Variants in RFX6 observed in about 807,000 individuals in gnomAD.
RFX6 encodes DNA-binding protein RFX6.
A neutral mutation model predicts 110.8 loss-of-function variants in RFX6; 50 were observed. The ratio of observed to expected loss-of-function variants is 0.45; its 90% CI spans 0.36 to 0.57. RFX6 has a LOEUF of 0.57. Among genes scored for constraint, RFX6 ranks in the 20% least tolerant of loss-of-function variants. The pLI is 0.00. For missense variants in RFX6, 990 were observed against 1,127.0 expected (o/e 0.88, Z 1.74); for synonymous variants, 383 against 411.2 (o/e 0.93, Z 0.83).
chr6:116,931,235 T>A, intron 18 of RFX6, 96 bp from the exon 19 acceptor site: 1 of 911,724 alleles, frequency 1.1e-6, no homozygotes, highest in Non-Finnish European at 1.8e-6. Context: ...GTGTGCTAAG[T>A]GCAAAAATAA....
intron 9 of RFX6, among the ~76,000 whole-genome samples, chr6:116,916,565 T>G (rs1775470930): frequency 6.6e-6 from 1 of 152,098 alleles, no homozygotes; most frequent in African/African-American, 2.4e-5. Flanking sequence ...TGTGACACAC[T>G]TATTAATATG....
intron 4 of RFX6, among the ~76,000 whole-genome samples, chr6:116,883,994 C>T (rs1022089565): frequency 6.6e-6 from 1 of 152,148 alleles, no homozygotes; most frequent in African/African-American, 2.4e-5. Flanking sequence ...AGTCCAAGTT[C>T]ATTTTACTAT....
chr6:116,906,189 G>A (rs898381987), intron 6 of RFX6, among the ~76,000 whole-genome samples: 3 of 152,128 alleles, frequency 2.0e-5, no homozygotes, highest in African/African-American at 7.2e-5. Context: ...ATATATGTGA[G>A]GATTTGTTAC....
At chr6:116,924,826 C>CTT in intron 15 of RFX6, 35 bp downstream of exon 15, 1 of 1,461,216 alleles carries the variant, frequency 6.8e-7, no homozygotes, top group Non-Finnish European at 9.6e-7. Flanking sequence ...TTGCATATTT[C>CTT]TTTGTTTTAA....
chr6:116,887,821 G>A (rs1407243568), intron 4 of RFX6, among the ~76,000 whole-genome samples: 4 of 152,086 alleles, frequency 2.6e-5, no homozygotes, highest in African/African-American at 9.7e-5. Context: ...CTAGGCCCTC[G>A]GGTACAATGA....
intron 6 of RFX6, among the ~76,000 whole-genome samples, chr6:116,898,260 G>A (rs535523671): frequency 6.6e-6 from 1 of 152,298 alleles, no homozygotes; most frequent in South Asian, 2.1e-4. Context: ...AAATGAGTGG[G>A]AAGTAGCATT....
chr6:116,924,813 GT>G (rs1216726288), intron 15 of RFX6, 22 bp downstream of exon 15: 10 of 1,513,722 alleles, frequency 6.6e-6, no homozygotes, highest in East Asian at 2.3e-5. Flanking sequence ...TAACTGTTTT[GT>G]TTTGCATATT....
intron 18 of RFX6, among the ~76,000 whole-genome samples, chr6:116,929,458 T>C (rs758340392): frequency 1.3e-5 from 2 of 152,126 alleles, no homozygotes; most frequent in Non-Finnish European, 2.9e-5. Context: ...CTCATTCTTA[T>C]GTAAAATGTG....
chr6:116,930,106 C>T (rs1174333323), intron 18 of RFX6, among the ~76,000 whole-genome samples: 1 of 152,150 alleles, frequency 6.6e-6, no homozygotes, highest in Admixed American at 6.5e-5. Context: ...ATAGTGGAAG[C>T]TTTGACGAAA....
At chr6:116,906,932 A>C (rs1020307221) in intron 6 of RFX6, among the ~76,000 whole-genome samples, 1 of 151,080 alleles carries the variant, frequency 6.6e-6, no homozygotes, top group African/African-American at 2.4e-5. Context: ...ATGAAAGCAG[A>C]CTTGCTTTGT....
At chr6:116,877,760 C>T (rs1209953261) in intron 1 of RFX6, 36 bp from the exon 2 acceptor site, 10 of 1,520,178 alleles carry the variant, frequency 6.6e-6, no homozygotes, top group Non-Finnish European at 6.3e-6. Context: ...ATTTTATATT[C>T]TATTTTTCTT....
chr6:116,908,929 A>G (rs960377674), intron 6 of RFX6, among the ~76,000 whole-genome samples: 5 of 152,088 alleles, frequency 3.3e-5, no homozygotes, highest in African/African-American at 1.2e-4. Context: ...TGAAATTGAA[A>G]TATAATTTTT....
rs576110333 is a variant in RFX6 at position 116,919,494 on chromosome 6, G to C, written c.1182+198G>C. 3.9e-4 allele frequency among the ~76,000 whole-genome samples: 59 copies of C among 152,264 alleles called. No homozygotes were observed. In the East Asian group the frequency reaches 0.011, roughly 27 times the overall value. On this transcript the variant is annotated intron_variant, in intron 11 of 18. Coordinates refer to ENST00000332958, the MANE Select transcript of RFX6 (RefSeq NM_173560.4). ...AGCTGGTGAAATTTGAATTATGTCTGTAGTTAATAGTATTGTACCAATGTT... is the reference window on the plus strand; with the variant it reads ...AGCTGGTGAAATTTGAATTATGTCTCTAGTTAATAGTATTGTACCAATGTT...
intron 6 of RFX6, among the ~76,000 whole-genome samples, chr6:116,899,172 G>GA (rs540361496): frequency 1.2e-4 from 18 of 148,370 alleles, no homozygotes; most frequent in East Asian, 3.9e-4. Context: ...TGCCTATTTG[G>GA]AAAAAAAAAA....
rs746145063 is a variant in RFX6, at chr6:116,920,337, C to G, written c.1210C>G (p.His404Asp). Residue 404 changes from histidine (H) to aspartate (D), a missense_variant, in exon 12 of 19, where the codon CAT becomes GAT. His to Asp is a moderately conservative substitution (Grantham distance 81). This residue lies in a region of RFX6 where 243 missense variants were observed against 353.1 expected (regional missense o/e 0.69). Coordinates refer to ENST00000332958, the MANE Select transcript of RFX6 (RefSeq NM_173560.4). ...QIARPALFDQ[H>D]VVNSMVSDIE... The stretch of plus-strand genomic sequence containing the variant: ...TGCCAGACCAGCTCTCTTTGACCAG[C>G]ATGTCGTTAATTCTATGGTGTCTGA... 4.3e-6 allele frequency: 7 copies of G among 1,611,858 alleles called. No individual in the cohort carries two copies. The highest frequency in any genetic ancestry group is 5.1e-6 in the Non-Finnish European group (6 of 1,177,966).
Position 116,927,017 on chromosome 6 carries a change from T to C in RFX6, c.1886-10T>C. On this transcript the variant is annotated splice_polypyrimidine_tract_variant and intron_variant, in intron 16 of 18. Transcript: ENST00000332958. ...TGACACTAAAGGAATGTTCTGGTGA[T>C]TTTTTCCAGGTCAAATGGAGCTTTC... 1 of 1,612,382 alleles carries C rather than the reference T, an allele frequency of 6.2e-7. No homozygotes were observed. Among genetic ancestry groups the C allele is most frequent in the Non-Finnish European group, 8.5e-7 (1 of 1,178,456 alleles).
Position 116,916,028 on chromosome 6 carries a change from G to T in RFX6, c.801G>T (p.Met267Ile). The T allele has an allele frequency of 6.2e-7, 1 of 1,611,326 alleles. No homozygotes were observed. The change falls in exon 8 of 19, where the codon ATG (methionine) becomes ATT (isoleucine). Residue 267 changes from methionine to isoleucine, a missense_variant. By Grantham distance (10) the Met-to-Ile change is conservative. Around this residue, in one of 5 missense-constraint regions of RFX6, gnomAD observed 243 missense variants for 353.1 expected, o/e 0.69. Coordinates refer to ENST00000332958, the MANE Select transcript of RFX6 (RefSeq NM_173560.4). ...SKDKVDTLIM[M>I]YKTHCQCILD... ...AATAGGTTGATACGCTCATAATGAT[G>T]TACAAAACTCACTGCCAGTGTATCC...
intron 13 of RFX6, 97 bp downstream of exon 13, chr6:116,922,248 C>CTG (rs1490367346): frequency 6.7e-6 from 5 of 745,420 alleles, no homozygotes; most frequent in Admixed American, 5.5e-5. Context: ...GGGTGGAAGG[C>CTG]TGTGTGTGTA....
chr6:116,904,345 A>G (rs1283117821), intron 6 of RFX6, among the ~76,000 whole-genome samples: 2 of 151,926 alleles, frequency 1.3e-5, no homozygotes, highest in Non-Finnish European at 2.9e-5. Context: ...GTATCTTTTG[A>G]TGAAGATTTT....
Sources: allele counts gnomAD v4.1 joint callset (sites outside exome capture counted in the v4.1 genomes callset), GRCh38; gene constraint gnomAD v4.1.1; regional missense constraint gnomAD v4.1.1; transcripts MANE v1.5; gene names NCBI Gene and HGNC (gene_info 2026-07-23, HGNC 2026-07-21).